Variants in AHCY observed in about 807,000 individuals in gnomAD.
AHCY encodes S-adenosyl-L-homocysteine hydrolase.
In AHCY, 24 loss-of-function variants were observed where a neutral mutation model predicts 45.4. The ratio of observed to expected loss-of-function variants is 0.53; its 90% CI spans 0.38 to 0.74. The LOEUF is 0.74. Among genes scored for constraint, AHCY ranks in the 30% least tolerant of loss-of-function variants. The pLI is 0.00. For synonymous variants in AHCY, 245 were observed against 235.1 expected, an observed-to-expected ratio of 1.04 and a Z score of -0.39; for missense variants, 449 against 594.1, an observed-to-expected ratio of 0.76 and a Z score of 2.54.
chr20:34,254,521 G>A, the AHCY span, among the ~76,000 whole-genome samples: 3 of 152,084 alleles, frequency 2.0e-5, no homozygotes, highest in African/African-American at 7.2e-5. Flanking sequence ...AACTCATTTG[G>A]CAGCAAAATC....
chr20:34,266,986 G>A, the AHCY span, among the ~76,000 whole-genome samples: 3 of 152,174 alleles, frequency 2.0e-5, no homozygotes, highest in Non-Finnish European at 2.9e-5. Context: ...GTATTAGGAG[G>A]TAGGATCTGG....
chr20:34,271,656 C>T, the AHCY span, among the ~76,000 whole-genome samples: 2 of 150,832 alleles, frequency 1.3e-5, no homozygotes, highest in East Asian at 3.9e-4. Flanking sequence ...GCCTCTGCCT[C>T]CCAGGTTCAA....
intron 1 of AHCY, chr20:34,302,915 A>G: frequency 1.0e-6 from 1 of 985,408 alleles, no homozygotes; most frequent in Non-Finnish European, 1.2e-6. Context: ...AGGCCCCCCG[A>G]GCAGGGTCCG....
the AHCY span, among the ~76,000 whole-genome samples, chr20:34,267,294 A>G: frequency 6.6e-6 from 1 of 152,020 alleles, no homozygotes; most frequent in Non-Finnish European, 1.5e-5. Flanking sequence ...TGAAGGGAAG[A>G]GTGGTCTGGG....
the AHCY span, among the ~76,000 whole-genome samples, chr20:34,245,530 GGT>G: frequency 6.6e-6 from 1 of 151,500 alleles, no homozygotes; most frequent in Admixed American, 6.6e-5. Context: ...TGGGACTACA[GGT>G]GTGCGCCACC....
At position 34,289,545 on chromosome 20, in the gene AHCY, G is replaced by A. The variant is rs1461794024; in HGVS notation, c.972+787C>T. Among the ~76,000 whole-genome samples the A allele has an allele frequency of 2.9e-5, 4 of 136,580 alleles. No homozygotes were observed. In the Admixed American group the frequency reaches 3.2e-4, roughly 11 times the overall value. The allele number at this position is 136,580 out of a possible 152,430, so 89.6% of individuals were successfully genotyped here. ...GGCAGGAGTGCGAGGGTGCGATCTCGGCTCACTGCAACCTCCGCCTCCCAG... is the reference window on the plus strand; with the variant it reads ...GGCAGGAGTGCGAGGGTGCGATCTCAGCTCACTGCAACCTCCGCCTCCCAG... On this transcript the variant is annotated intron_variant, in intron 8 of 9. Coordinates refer to ENST00000217426, the MANE Select transcript of AHCY (RefSeq NM_000687.4).
the AHCY span, among the ~76,000 whole-genome samples, chr20:34,270,200 T>C: frequency 6.6e-6 from 1 of 151,200 alleles, no homozygotes; most frequent in Non-Finnish European, 1.5e-5. Flanking sequence ...TGCAGTGAGC[T>C]ATGATCACAC....
At chr20:34,265,031 G>A in the AHCY span, among the ~76,000 whole-genome samples, 1 of 151,958 alleles carries the variant, frequency 6.6e-6, no homozygotes, top group Non-Finnish European at 1.5e-5. Context: ...CCTGAGTTCA[G>A]GCAATCCGCT....
At chr20:34,264,985 G>T in the AHCY span, among the ~76,000 whole-genome samples, 1 of 151,820 alleles carries the variant, frequency 6.6e-6, no homozygotes, top group Non-Finnish European at 1.5e-5. Flanking sequence ...CAGTAGAGAT[G>T]AGGTTTTGCG....
the AHCY span, among the ~76,000 whole-genome samples, chr20:34,250,928 G>A: frequency 3.3e-5 from 5 of 152,112 alleles, no homozygotes; most frequent in African/African-American, 9.7e-5. Flanking sequence ...CACTCAGGAC[G>A]CTGAGTGTAC....
At chr20:34,242,645 C>CA in the AHCY span, among the ~76,000 whole-genome samples, 2 of 152,228 alleles carry the variant, frequency 1.3e-5, no homozygotes, top group African/African-American at 4.8e-5. Context: ...ATGTCTGTCT[C>CA]AAAACCTTTT....
intron 8 of AHCY, chr20:34,286,589 T>C (rs1291781233): frequency 6.6e-6 from 1 of 152,134 alleles, no homozygotes; most frequent in African/African-American, 2.4e-5. Context: ...TCCCAGCACT[T>C]TGGGAGGCCA....
intron 1 of AHCY, among the ~76,000 whole-genome samples, chr20:34,298,571 A>AC (rs1052257422): frequency 1.6e-5 from 2 of 121,844 alleles, no homozygotes; most frequent in Admixed American, 1.2e-4. Context: ...AAGGAACAAC[A>AC]CCCGCTACTT....
At chr20:34,268,203 A>G in the AHCY span, among the ~76,000 whole-genome samples, 1 of 152,210 alleles carries the variant, frequency 6.6e-6, no homozygotes, top group East Asian at 1.9e-4. Context: ...GGCTACCTGT[A>G]TCGAAGGTAC....
At chr20:34,241,665 C>A in the AHCY span, among the ~76,000 whole-genome samples, 13 of 152,306 alleles carry the variant, frequency 8.5e-5, no homozygotes, top group East Asian at 2.5e-3. Context: ...AGCAGTTGAT[C>A]TTTTGCTAAC....
the AHCY span, among the ~76,000 whole-genome samples, chr20:34,235,998 A>AGCG: frequency 8.4e-5 from 9 of 107,656 alleles, no homozygotes; most frequent in African/African-American, 6.4e-4. Flanking sequence ...GAAGGAAGGA[A>AGCG]GGAGAAAGAG....
At chr20:34,235,838 A>G in the AHCY span, among the ~76,000 whole-genome samples, 1 of 64,032 alleles carries the variant, frequency 1.6e-5, no homozygotes, top group African/African-American at 1.8e-4. Context: ...AGAAAGAAAG[A>G]AAGAAGGAAG....
upstream of AHCY, among the ~76,000 whole-genome samples, chr20:34,306,079 CAAAAAAAAAA>C (rs56039506): frequency 9.7e-6 from 1 of 103,104 alleles, no homozygotes. Flanking sequence ...AAGACTGCCT[CAAAAAAAAAA>C]AAAAAAAAAG....
At chr20:34,234,305 C>A in the AHCY span, among the ~76,000 whole-genome samples, 1 of 152,094 alleles carries the variant, frequency 6.6e-6, no homozygotes, top group African/African-American at 2.4e-5. Flanking sequence ...CAGACAAGAC[C>A]ACTAGTGCCT....
Sources: gnomAD v4.1 joint callset for allele counts (sites outside exome capture counted in the v4.1 genomes callset) on GRCh38, gnomAD v4.1.1 for gene constraint, MANE v1.5 for transcripts, NCBI Gene and HGNC (gene_info 2026-07-23, HGNC 2026-07-21) for gene names.